Variants in CTNNA1 observed in about 807,000 individuals in gnomAD.
The protein encoded by CTNNA1 is catenin alpha-1.
In CTNNA1, 37 loss-of-function variants were observed where a neutral mutation model predicts 98.4. The observed-to-expected ratio is 0.38, with a 90% CI of 0.29 to 0.49. The LOEUF (loss-of-function observed/expected upper bound fraction) is 0.49, where lower values mean the gene tolerates loss of function less well. Among genes scored for constraint, CTNNA1 ranks in the 20% least tolerant of loss-of-function variants. The pLI is 0.95. For synonymous variants in CTNNA1, 404 were observed against 413.2 expected, an observed-to-expected ratio of 0.98 and a Z score of 0.27; for missense variants, 761 against 1,147.2, an observed-to-expected ratio of 0.66 and a Z score of 4.86.
chr5:138,887,480 T>G lies in CTNNA1; in HGVS notation c.1144-10T>G. The G allele has an allele frequency of 6.3e-7, 1 of 1,576,588 alleles. No homozygotes were observed. The highest frequency in any genetic ancestry group is 8.6e-7 in the Non-Finnish European group (1 of 1,164,120). On this transcript the variant is annotated splice_polypyrimidine_tract_variant and intron_variant, in intron 8 of 17. Coordinates refer to ENST00000302763, the MANE Select transcript of CTNNA1 (RefSeq NM_001903.5). The stretch of plus-strand genomic sequence containing the variant: ...GAAATAAAATCAAATTTTTACAATT[T>G]AATCATTAGCTCCGCAAAGCTGTCA...
chr5:138,928,527 C>T (rs1395682023), intron 13 of CTNNA1, among the ~76,000 whole-genome samples: 1 of 152,192 alleles, frequency 6.6e-6, no homozygotes, highest in Admixed American at 6.5e-5. Flanking sequence ...TTATACAAAT[C>T]CGCTTAATAC....
chr5:138,805,059 AAG>A (rs1347397726), intron 3 of CTNNA1, among the ~76,000 whole-genome samples: 1 of 152,126 alleles, frequency 6.6e-6, no homozygotes, highest in Non-Finnish European at 1.5e-5. Context: ...GGGGAGGAGC[AAG>A]AGAGGGGGTG....
chr5:138,821,409 A>G (rs1760028131), intron 5 of CTNNA1, among the ~76,000 whole-genome samples: 1 of 152,204 alleles, frequency 6.6e-6, no homozygotes, highest in Non-Finnish European at 1.5e-5. Context: ...TTTATTACCT[A>G]GTCTATGAAT....
chr5:138,828,448 C>T (rs1322178675), intron 7 of CTNNA1, among the ~76,000 whole-genome samples: 1 of 151,588 alleles, frequency 6.6e-6, no homozygotes, highest in South Asian at 2.1e-4. Context: ...TTTTTTCCTT[C>T]GCTTATACTT....
At chr5:138,917,657 G>A (rs930930770) in intron 10 of CTNNA1, 85 bp from the exon 11 acceptor site, 6 of 1,360,892 alleles carry the variant, frequency 4.4e-6, no homozygotes, top group Non-Finnish European at 6.1e-6. Context: ...AGAGCATGTG[G>A]TGTGATGTCT....
At chr5:138,830,397 G>A (rs1381211592) in intron 7 of CTNNA1, among the ~76,000 whole-genome samples, 2 of 152,144 alleles carry the variant, frequency 1.3e-5, no homozygotes, top group African/African-American at 2.4e-5. Context: ...AAATCTTCTT[G>A]AGATTTAGAA....
At chr5:138,925,159 G>T in intron 12 of CTNNA1, 97 bp from the exon 13 acceptor site, 1 of 1,359,148 alleles carries the variant, frequency 7.4e-7, no homozygotes, top group South Asian at 1.4e-5. Flanking sequence ...CTCATCATAA[G>T]CCTCACCTCT....
At chr5:138,806,263 C>A (rs1209689517) in intron 3 of CTNNA1, among the ~76,000 whole-genome samples, 1 of 151,440 alleles carries the variant, frequency 6.6e-6, no homozygotes, top group African/African-American at 2.4e-5. Context: ...GTCTGGCCTT[C>A]TTGTTTTTGA....
At chr5:138,762,367 G>A (rs1053316970) in intron 1 of CTNNA1, among the ~76,000 whole-genome samples, 1 of 152,182 alleles carries the variant, frequency 6.6e-6, no homozygotes, top group African/African-American at 2.4e-5. Context: ...ACTTGTGAGA[G>A]CACTATACTG....
rs184881209 is a variant in CTNNA1, at chr5:138,933,770, G to A, written c.2434-32G>A. On this transcript the variant is annotated intron_variant, in intron 17 of 17. Transcript: ENST00000302763. ...TGTCCACGAGGCTGGAGGTCAGGCC[G>A]GTGCTTCTTACCACCCCTGTCTGCC... is the stretch of plus-strand genomic sequence containing the variant. 1.9e-4 allele frequency: 304 copies of A among 1,602,980 alleles called. 1 individual carries two copies. In the African/African-American group the frequency reaches 3.8e-3, roughly 20 times the overall value.
intron 5 of CTNNA1, among the ~76,000 whole-genome samples, chr5:138,819,573 G>A (rs1759805713): frequency 6.6e-6 from 1 of 152,142 alleles, no homozygotes; most frequent in Non-Finnish European, 1.5e-5. Context: ...TGAGGGGCAT[G>A]ACTTTTCTGG....
chr5:138,919,446 A>G (rs762678769), intron 11 of CTNNA1, among the ~76,000 whole-genome samples: 1 of 152,210 alleles, frequency 6.6e-6, no homozygotes. Flanking sequence ...GATGTCCCTC[A>G]TGCACCATTC....
intron 7 of CTNNA1, among the ~76,000 whole-genome samples, chr5:138,858,598 T>TTCTTTC (rs796546348): frequency 7.3e-6 from 1 of 136,394 alleles, no homozygotes; most frequent in Non-Finnish European, 1.6e-5. Flanking sequence ...CTTTTTCTTT[T>TTCTTTC]TTTTTTTTTT....
At chr5:138,858,099 A>C (rs140688829) in intron 7 of CTNNA1, among the ~76,000 whole-genome samples, 72 of 151,314 alleles carry the variant, frequency 4.8e-4, no homozygotes, top group African/African-American at 1.7e-3. Flanking sequence ...ACACTGTCCC[A>C]TATGTGTCAT....
intron 1 of CTNNA1, among the ~76,000 whole-genome samples, chr5:138,766,451 G>GT (rs5871680): frequency 0.68 from 93,233 of 137,280 alleles, 31,841 homozygotes; most frequent in East Asian, 0.98. Context: ...ACCATGTTTT[G>GT]TTTTTTTTTT....
In CTNNA1 at chr5:138,875,746, C is replaced by T. The variant is rs186804737; in HGVS notation, c.1063-10466C>T. 3.7e-3 allele frequency: 3,621 copies of T among 983,214 alleles called. 18 individuals carry two copies. The highest frequency in any genetic ancestry group is 0.021 in the South Asian group (446 of 21,242). 60.9% of individuals were successfully genotyped at this position (983,214 alleles called of 1,614,324 possible). ...AACACCAGCCTATGCAAGGTAGTGT[C>T]GCTGCACTGGTAGTTTGGAAAGCTA... On this transcript the variant is annotated intron_variant, in intron 7 of 17. Coordinates refer to ENST00000302763, the MANE Select transcript of CTNNA1 (RefSeq NM_001903.5).
chr5:138,930,655 G>A lies in CTNNA1; in HGVS notation c.2192+1G>A, dbSNP rs112478925. On this transcript the variant is annotated splice_donor_variant, in intron 15 of 17. Coordinates refer to ENST00000302763, the MANE Select transcript of CTNNA1 (RefSeq NM_001903.5). LOFTEE classifies it high-confidence loss of function. ...TGATGGAGATGACAGACTTTACCCGGTGAGCAGCACCCCGGCCCCACCAGG... is the reference window on the plus strand; with the variant it reads ...TGATGGAGATGACAGACTTTACCCGATGAGCAGCACCCCGGCCCCACCAGG... The A allele has an allele frequency of 1.2e-6, 2 of 1,611,006 alleles. No individual in the cohort carries two copies. Among genetic ancestry groups the A allele is most frequent in the Non-Finnish European group, 1.7e-6 (2 of 1,178,174 alleles).
chr5:138,799,891 T>TGTAA (rs1329388780), intron 3 of CTNNA1, among the ~76,000 whole-genome samples: 8 of 138,588 alleles, frequency 5.8e-5, no homozygotes, highest in Non-Finnish European at 8.9e-5. Context: ...TATGTATGTA[T>TGTAA]GTGTGTGTGT....
At chr5:138,775,714 C>CTTTTTTTTT (rs750615535) in intron 1 of CTNNA1, among the ~76,000 whole-genome samples, 15 of 82,526 alleles carry the variant, frequency 1.8e-4, no homozygotes, top group South Asian at 4.6e-4. Flanking sequence ...GGAAATATTT[C>CTTTTTTTTT]TTTTTTTTTT....
Sources: gnomAD v4.1 joint callset for allele counts (sites outside exome capture counted in the v4.1 genomes callset) on GRCh38, gnomAD v4.1.1 for gene constraint, MANE v1.5 for transcripts, NCBI Gene and HGNC (gene_info 2026-07-23, HGNC 2026-07-21) for gene names.